The following UNC13C variants were observed in gnomAD, a reference collection of about 807,000 sequenced individuals.
UNC13C encodes unc-13 homolog C, also known as protein unc-13 homolog C.
Under a neutral mutation model 245.4 loss-of-function variants are expected in UNC13C, and 174 were observed. That is an observed-to-expected ratio of 0.71 (90% CI 0.63 to 0.80). UNC13C has a LOEUF of 0.80. UNC13C is among the 30% of genes least tolerant of loss of function. The pLI is 0.00. For missense variants in UNC13C, 2,829 were observed against 2,602.9 expected, an observed-to-expected ratio of 1.09 and a Z score of -1.89; for synonymous variants, 992 against 895.1, an observed-to-expected ratio of 1.11 and a Z score of -1.93.
chr15:54,587,760 T>C (rs1361561441), intron 30 of UNC13C, among the ~76,000 whole-genome samples: 1 of 152,152 alleles, frequency 6.6e-6, no homozygotes, highest in Non-Finnish European at 1.5e-5. Context: ...CTCTACCTTG[T>C]GCATCTCCTC....
intron 9 of UNC13C, among the ~76,000 whole-genome samples, chr15:54,265,050 G>A (rs2036518554): frequency 6.6e-6 from 1 of 151,940 alleles, no homozygotes; most frequent in South Asian, 2.1e-4. Context: ...ATAAGTGTAG[G>A]TGTATCTTCC....
At chr15:53,974,252 A>T (rs1325605071), upstream of UNC13C, among the ~76,000 whole-genome samples, 1 of 152,190 alleles carries the variant, frequency 6.6e-6, no homozygotes, top group Non-Finnish European at 1.5e-5. Context: ...TTCTGGCACA[A>T]ATTTGTGAGA....
At position 54,195,000 on chromosome 15, in the gene UNC13C, C is replaced by T. The variant is rs529471200; in HGVS notation, c.3072-40030C>T. Among the ~76,000 whole-genome samples, 7 of 152,164 alleles carry T rather than the reference C, an allele frequency of 4.6e-5. No homozygotes were observed. The South Asian group carries it at 1.2e-3, about 27-fold the overall frequency. ...ATCTTTTCTCAAAAATTACATTTAC[C>T]TCCTGGCATTCCACGAATAGAATAT... On this transcript the variant is annotated intron_variant, in intron 4 of 32. Coordinates refer to ENST00000260323, the MANE Select transcript of UNC13C (RefSeq NM_001080534.3).
chr15:54,476,832 C>A (rs1201119232), intron 19 of UNC13C, among the ~76,000 whole-genome samples: 1 of 151,140 alleles, frequency 6.6e-6, no homozygotes, highest in Admixed American at 6.6e-5. Context: ...GTAATTTTTC[C>A]AATTCTGTGA....
intron 2 of UNC13C, among the ~76,000 whole-genome samples, chr15:54,136,985 C>T (rs769237077): frequency 4.6e-5 from 7 of 152,004 alleles, no homozygotes; most frequent in Non-Finnish European, 1.0e-4. Flanking sequence ...TAGAGGTGTA[C>T]ACCACCATGC....
At chr15:53,886,982 C>T in the UNC13C span, among the ~76,000 whole-genome samples, 1 of 152,058 alleles carries the variant, frequency 6.6e-6, no homozygotes, top group Non-Finnish European at 1.5e-5. Flanking sequence ...ACTGTCACAG[C>T]CAAGAGGTGC....
intron 16 of UNC13C, among the ~76,000 whole-genome samples, chr15:54,337,681 T>A (rs2038620815): frequency 6.6e-6 from 1 of 152,236 alleles, no homozygotes; most frequent in South Asian, 2.1e-4. Context: ...TTCTCATAAT[T>A]GGTCTTTCTA....
At chr15:54,615,841 C>T (rs766316667) in intron 30 of UNC13C, among the ~76,000 whole-genome samples, 1 of 151,960 alleles carries the variant, frequency 6.6e-6, no homozygotes, top group Non-Finnish European at 1.5e-5. Flanking sequence ...AAAAGACAAG[C>T]TAGTTTGTCA....
At chr15:54,315,402 C>T (rs2037982494) in intron 13 of UNC13C, among the ~76,000 whole-genome samples, 1 of 151,470 alleles carries the variant, frequency 6.6e-6, no homozygotes, top group African/African-American at 2.4e-5. Context: ...TTAACAGTAT[C>T]AATCATCCTT....
At chr15:54,139,525 G>T (rs983371406) in intron 2 of UNC13C, among the ~76,000 whole-genome samples, 1 of 152,134 alleles carries the variant, frequency 6.6e-6, no homozygotes, top group African/African-American at 2.4e-5. Context: ...TGTTTTGAAA[G>T]TTATTTTTTA....
chr15:54,134,461 T>C (rs568626542), intron 2 of UNC13C, among the ~76,000 whole-genome samples: 1 of 152,288 alleles, frequency 6.6e-6, no homozygotes, highest in South Asian at 2.1e-4. Context: ...TATACACATA[T>C]ATACACATAA....
At chr15:54,277,070 A>G (rs1470757755) in intron 10 of UNC13C, among the ~76,000 whole-genome samples, 1 of 152,008 alleles carries the variant, frequency 6.6e-6, no homozygotes, top group Non-Finnish European at 1.5e-5. Context: ...TTTCAATGAC[A>G]TTTTCTTCCA....
At chr15:53,899,813 T>C in the UNC13C span, among the ~76,000 whole-genome samples, 13 of 152,290 alleles carry the variant, frequency 8.5e-5, no homozygotes, top group Admixed American at 3.9e-4. Context: ...TCTGCCTGCC[T>C]CGGCTTCCCA....
the UNC13C span, among the ~76,000 whole-genome samples, chr15:53,927,674 G>A: frequency 6.6e-6 from 1 of 152,176 alleles, no homozygotes; most frequent in Non-Finnish European, 1.5e-5. Context: ...AGGGTTCTGA[G>A]CCTGAAATTT....
chr15:54,255,995 G>C (rs193009217), intron 8 of UNC13C, among the ~76,000 whole-genome samples: 1 of 152,174 alleles, frequency 6.6e-6, no homozygotes, highest in Non-Finnish European at 1.5e-5. Flanking sequence ...GCATAATGCC[G>C]TAGAGGTATT....
rs574118735 is a variant in UNC13C, at chr15:54,075,539, G to A, written c.2983+59653G>A. On this transcript the variant is annotated intron_variant, in intron 2 of 32. Transcript: ENST00000260323. ...TGCACTCCAGCCCGGGCGACAGAGC[G>A]AGACTCTGTCTCAAAAAAAAAAAAA... 5.4e-4 allele frequency among the ~76,000 whole-genome samples: 58 copies of A among 107,762 alleles called. 2 individuals are homozygous for A. The highest frequency in any genetic ancestry group is 1.9e-3 in the African/African-American group (54 of 28,892). The allele number at this position is 107,762 out of a possible 152,430, so 70.7% of individuals were successfully genotyped here.
intron 30 of UNC13C, among the ~76,000 whole-genome samples, chr15:54,597,279 G>C (rs910155219): frequency 2.6e-5 from 4 of 152,176 alleles, no homozygotes. Flanking sequence ...CAGCCTGGGG[G>C]TTAGGGACCA....
the UNC13C span, among the ~76,000 whole-genome samples, chr15:53,967,331 G>C: frequency 0.37 from 33,298 of 88,874 alleles, 4,613 homozygotes; most frequent in Non-Finnish European, 0.5. Flanking sequence ...TTTTTTTTTT[G>C]TTGTTTTGTT....
intron 30 of UNC13C, among the ~76,000 whole-genome samples, chr15:54,615,729 G>A (rs1900390717): frequency 1.3e-5 from 2 of 151,990 alleles, no homozygotes; most frequent in African/African-American, 4.8e-5. Flanking sequence ...ACTGCTGTGT[G>A]TTTCCAGGTG....
Sources: allele counts gnomAD v4.1 joint callset (sites outside exome capture counted in the v4.1 genomes callset), GRCh38; gene constraint gnomAD v4.1.1; transcripts MANE v1.5; gene names NCBI Gene and HGNC (gene_info 2026-07-23, HGNC 2026-07-21).